MFSD11: variants seen among roughly 807,000 people sequenced by gnomAD.
MFSD11 encodes UNC93-like protein MFSD11.
Under a neutral mutation model 53.5 loss-of-function variants are expected in MFSD11, and 36 were observed. The observed-to-expected ratio is 0.67, with a 90% CI of 0.52 to 0.89. The LOEUF (loss-of-function observed/expected upper bound fraction) is 0.89. MFSD11 is among the 40% of genes least tolerant of loss of function. The probability of loss-of-function intolerance (pLI) is 0.00; values close to 1 mark genes in which losing one functional copy is unlikely to be tolerated. For synonymous variants in MFSD11, 186 were observed against 184.9 expected, an observed-to-expected ratio of 1.01 and a Z score of -0.05; for missense variants, 530 against 543.9, an observed-to-expected ratio of 0.97 and a Z score of 0.25.
At chr17:76,799,764 A>G in the MFSD11 span, among the ~76,000 whole-genome samples, 1 of 151,844 alleles carries the variant, frequency 6.6e-6, no homozygotes, top group African/African-American at 2.4e-5. Context: ...TCCCACCCCC[A>G]ACCTTGCCCA....
chr17:76,788,571 G>A, the MFSD11 span, among the ~76,000 whole-genome samples: 18 of 149,256 alleles, frequency 1.2e-4, 1 homozygote, highest in Admixed American at 1.3e-4. Flanking sequence ...TCACAGCCTC[G>A]GTAGAGGCTG....
the MFSD11 span, among the ~76,000 whole-genome samples, chr17:76,794,262 T>G: frequency 2.0e-5 from 3 of 151,238 alleles, no homozygotes; most frequent in Admixed American, 2.0e-4. Context: ...GGTGGGTGGA[T>G]TACCTGAGGT....
At chr17:76,802,653 C>T in the MFSD11 span, among the ~76,000 whole-genome samples, 6 of 152,108 alleles carry the variant, frequency 3.9e-5, no homozygotes, top group African/African-American at 9.7e-5. Flanking sequence ...CCGAGGCAGG[C>T]AAATCACTTA....
the MFSD11 span, among the ~76,000 whole-genome samples, chr17:76,793,320 C>T: frequency 2.6e-5 from 4 of 151,352 alleles, 1 homozygote; most frequent in African/African-American, 9.8e-5. Flanking sequence ...CCCTCAGGGC[C>T]GCATTCTCTT....
At position 76,751,207 on chromosome 17, in the gene MFSD11, G is replaced by A. The variant is rs560200445; in HGVS notation, c.642-2840G>A. 5.9e-5 allele frequency among the ~76,000 whole-genome samples: 9 copies of A among 151,658 alleles called. No individual in the cohort carries two copies. In the East Asian group the frequency reaches 1.6e-3, roughly 27 times the overall value. Reference sequence around the variant, plus strand: ...AGATCGAGACTATCCTGGCTAACACGGTGAAACCCATCTCTACTAAAAATA... The same window carrying A: ...AGATCGAGACTATCCTGGCTAACACAGTGAAACCCATCTCTACTAAAAATA... On this transcript the variant is annotated intron_variant, in intron 7 of 12. Coordinates refer to ENST00000685175, the MANE Select transcript of MFSD11 (RefSeq NM_001242532.5).
At chr17:76,740,837 A>G (rs1232147472) in intron 2 of MFSD11, 120 bp from the exon 3 acceptor site, 4 of 638,850 alleles carry the variant, frequency 6.3e-6, no homozygotes, top group Non-Finnish European at 1.1e-5. Flanking sequence ...ATAAATTCTG[A>G]CTAAATAATA....
downstream of MFSD11, among the ~76,000 whole-genome samples, chr17:76,784,714 C>T (rs978023311): frequency 6.6e-6 from 1 of 152,090 alleles, no homozygotes; most frequent in African/African-American, 2.4e-5. Context: ...GGCTGGCCAA[C>T]ATGGTATAAC....
chr17:76,771,444 A>G (rs962663825), intron 10 of MFSD11, among the ~76,000 whole-genome samples: 9 of 152,258 alleles, frequency 5.9e-5, no homozygotes, highest in African/African-American at 2.2e-4. Context: ...AGGAACTTCA[A>G]CAAAGGTTTA....
upstream of MFSD11, chr17:76,737,988 G>C: frequency 3.4e-6 from 1 of 291,322 alleles, no homozygotes; most frequent in East Asian, 5.5e-5. Flanking sequence ...TGACCCGGTC[G>C]CCTGGCCGCA....
chr17:76,766,418 C>CAA (rs1178883099), intron 8 of MFSD11, among the ~76,000 whole-genome samples: 28 of 58,416 alleles, frequency 4.8e-4, no homozygotes, highest in South Asian at 1.0e-3. Context: ...GACTCTGTCT[C>CAA]AAAAAAAAAA....
At chr17:76,760,490 T>C (rs1157516232) in intron 8 of MFSD11, among the ~76,000 whole-genome samples, 1 of 151,730 alleles carries the variant, frequency 6.6e-6, no homozygotes, top group Admixed American at 6.6e-5. Context: ...AAGGGTCAAC[T>C]GTGTAAGTAA....
At chr17:76,743,226 C>T (rs1325636528) in intron 5 of MFSD11, among the ~76,000 whole-genome samples, 172 bp from the exon 6 acceptor site, 1 of 152,136 alleles carries the variant, frequency 6.6e-6, no homozygotes, top group Non-Finnish European at 1.5e-5. Flanking sequence ...TTAAGTTTAT[C>T]AGAGTCCAGA....
At chr17:76,765,849 G>A (rs1432770478) in intron 8 of MFSD11, among the ~76,000 whole-genome samples, 1 of 151,426 alleles carries the variant, frequency 6.6e-6, no homozygotes, top group Non-Finnish European at 1.5e-5. Context: ...AACAAAACTG[G>A]GCAGAAAGTA....
intron 7 of MFSD11, among the ~76,000 whole-genome samples, chr17:76,748,774 T>G (rs567055067): frequency 6.6e-6 from 1 of 152,148 alleles, no homozygotes; most frequent in Non-Finnish European, 1.5e-5. Context: ...GTTTCTTCAT[T>G]GGCAGTTACT....
intron 7 of MFSD11, chr17:76,752,935 A>G (rs1373460376): frequency 6.6e-6 from 1 of 152,150 alleles, no homozygotes; most frequent in Non-Finnish European, 1.5e-5. Flanking sequence ...CAGCACAAAT[A>G]CTAAAATTGG....
chr17:76,786,947 C>G, the MFSD11 span, among the ~76,000 whole-genome samples: 1 of 151,906 alleles, frequency 6.6e-6, no homozygotes, highest in South Asian at 2.1e-4. Context: ...TCCGGAGTAG[C>G]TGGGATTTAC....
At chr17:76,790,963 C>T in the MFSD11 span, among the ~76,000 whole-genome samples, 1 of 147,284 alleles carries the variant, frequency 6.8e-6, no homozygotes, top group Non-Finnish European at 1.5e-5. Context: ...AAGAAATATT[C>T]TAACTTGACA....
intron 5 of MFSD11, 54 bp downstream of exon 5, chr17:76,742,327 T>C: frequency 2.1e-5 from 30 of 1,454,952 alleles, no homozygotes; most frequent in Non-Finnish European, 2.8e-5. Flanking sequence ...TTTTCTGTCA[T>C]ACCATTTTTT....
At chr17:76,780,463 G>C (rs543300116), downstream of MFSD11, among the ~76,000 whole-genome samples, 3 of 150,784 alleles carry the variant, frequency 2.0e-5, no homozygotes, top group Non-Finnish European at 4.4e-5. Flanking sequence ...AAGAGCCACC[G>C]TGCCTAGGAA....
Sources: gnomAD v4.1 joint callset for allele counts (sites outside exome capture counted in the v4.1 genomes callset) on GRCh38, gnomAD v4.1.1 for gene constraint, MANE v1.5 for transcripts, NCBI Gene and HGNC (gene_info 2026-07-23, HGNC 2026-07-21) for gene names.